The following CDK14 variants were observed in gnomAD, a reference collection of about 807,000 sequenced individuals.
CDK14 encodes the protein cyclin-dependent kinase 14.
Under a neutral mutation model 60.7 loss-of-function variants are expected in CDK14, and 34 were observed. That is an observed-to-expected ratio of 0.56 (90% CI 0.43 to 0.75). The LOEUF (loss-of-function observed/expected upper bound fraction) is 0.75, where lower values mean the gene tolerates loss of function less well. Ranked by LOEUF, CDK14 falls within the 30% of genes least tolerant of loss-of-function variation. CDK14 has a pLI of 0.00. For synonymous variants in CDK14, 197 were observed against 203.7 expected, an observed-to-expected ratio of 0.97 and a Z score of 0.28; for missense variants, 482 against 564.1, an observed-to-expected ratio of 0.85 and a Z score of 1.47.
At chr7:90,733,359 G>A (rs1024090755) in intron 3 of CDK14, among the ~76,000 whole-genome samples, 4 of 152,062 alleles carry the variant, frequency 2.6e-5, no homozygotes, top group African/African-American at 7.2e-5. Flanking sequence ...GGTCTGTTTG[G>A]TCCAGAGCTG....
chr7:90,628,147 G>C (rs1799914337), intron 2 of CDK14, among the ~76,000 whole-genome samples: 1 of 151,986 alleles, frequency 6.6e-6, no homozygotes, highest in South Asian at 2.1e-4. Context: ...TGTAGAGACG[G>C]GGTTCTGCTG....
At position 91,029,591 on chromosome 7, in the gene CDK14, C is replaced by T. The variant is rs894250270; in HGVS notation, c.1042-16306C>T. Among the ~76,000 whole-genome samples, 4 of 148,142 alleles carry T rather than the reference C, an allele frequency of 2.7e-5. 1 individual carries two copies. In the South Asian group the frequency reaches 8.7e-4, roughly 32 times the overall value. On this transcript the variant is annotated intron_variant, in intron 10 of 14. Transcript: ENST00000380050. Reference sequence around the variant, plus strand: ...TTCCTTCTCTCTCCTCTCCTCTCCTCTCCTCTCCTCTCCTCTCCTCCGCTC... The same window carrying T: ...TTCCTTCTCTCTCCTCTCCTCTCCTTTCCTCTCCTCTCCTCTCCTCCGCTC...
At chr7:90,957,108 A>G (rs950566798) in intron 9 of CDK14, among the ~76,000 whole-genome samples, 1 of 150,694 alleles carries the variant, frequency 6.6e-6, no homozygotes, top group Non-Finnish European at 1.5e-5. Flanking sequence ...AGCATGATTT[A>G]TAGTCCTTTG....
intron 2 of CDK14, among the ~76,000 whole-genome samples, chr7:90,624,004 G>T (rs1041588355): frequency 2.0e-5 from 3 of 152,158 alleles, no homozygotes; most frequent in African/African-American, 4.8e-5. Flanking sequence ...TACATATTTT[G>T]TAGGGCTTCA....
intron 5 of CDK14, among the ~76,000 whole-genome samples, chr7:90,829,445 G>A (rs1789837072): frequency 6.6e-6 from 1 of 152,164 alleles, no homozygotes. Flanking sequence ...CAGGCATTGG[G>A]TAAATGTTCC....
At chr7:91,002,621 A>T (rs1363388753) in intron 10 of CDK14, among the ~76,000 whole-genome samples, 1 of 152,230 alleles carries the variant, frequency 6.6e-6, no homozygotes, top group Middle Eastern at 3.2e-3. Context: ...CCTAGGATGT[A>T]AAAGCAAACA....
At chr7:90,839,808 C>T (rs1396570397) in intron 5 of CDK14, among the ~76,000 whole-genome samples, 1 of 151,994 alleles carries the variant, frequency 6.6e-6, no homozygotes, top group Non-Finnish European at 1.5e-5. Context: ...GAATGTGTTC[C>T]AAGTGCTTGT....
At chr7:91,029,902 AT>A (rs1562875062) in intron 10 of CDK14, among the ~76,000 whole-genome samples, 1 of 152,076 alleles carries the variant, frequency 6.6e-6, no homozygotes, top group Non-Finnish European at 1.5e-5. Flanking sequence ...AATGCCCTTT[AT>A]TTCTTTCTCT....
chr7:90,705,774 AGAAT>A (rs1419003301), intron 2 of CDK14, among the ~76,000 whole-genome samples: 8 of 151,682 alleles, frequency 5.3e-5, no homozygotes, highest in Non-Finnish European at 8.8e-5. Flanking sequence ...TGCTAAAAAG[AGAAT>A]GAATCATAAA....
chr7:90,649,852 G>T (rs1226252897), intron 2 of CDK14, among the ~76,000 whole-genome samples: 1 of 152,088 alleles, frequency 6.6e-6, no homozygotes, highest in Non-Finnish European at 1.5e-5. Context: ...TCTTAATCCA[G>T]TCTATCATTG....
chr7:91,166,482 G>A (rs1431234628), intron 14 of CDK14, among the ~76,000 whole-genome samples: 1 of 152,146 alleles, frequency 6.6e-6, no homozygotes, highest in Non-Finnish European at 1.5e-5. Flanking sequence ...CTACTCTACT[G>A]ATACATTAAT....
chr7:90,788,593 T>G (rs1805698592), intron 4 of CDK14, among the ~76,000 whole-genome samples: 1 of 152,200 alleles, frequency 6.6e-6, no homozygotes, highest in African/African-American at 2.4e-5. Flanking sequence ...GGTCTCCCTA[T>G]CCCATTACTG....
In CDK14 at chr7:90,863,670, A is replaced by ATGTGTGTG. The variant is rs111580477; in HGVS notation, c.639+421_639+428dup. ...TTCTCAAAAGCATGCTTATTAAGAT[A>ATGTGTGTG]TGTGTGTGTGTGTGTGTGTGTGTGT... On this transcript the variant is annotated intron_variant, in intron 6 of 14. Coordinates refer to ENST00000380050, the MANE Select transcript of CDK14 (RefSeq NM_001287135.2). Among the ~76,000 whole-genome samples, 812 of 145,962 alleles carry ATGTGTGTG rather than the reference A, an allele frequency of 5.6e-3. 3 individuals carry two copies. Among genetic ancestry groups the ATGTGTGTG allele is most frequent in the South Asian group, 0.019 (86 of 4,562 alleles).
chr7:90,699,839 A>G lies in CDK14; in HGVS notation c.124-26728A>G, dbSNP rs114904868. ...TACCTCTGTGTTTCATGTGAGCTGA[A>G]TCTTTCCTAAATGATTAAGAGAAAC... On this transcript the variant is annotated intron_variant, in intron 2 of 14. Transcript: ENST00000380050. Among the ~76,000 whole-genome samples the G allele has an allele frequency of 3.6e-3, 551 of 152,296 alleles. 9 individuals are homozygous for G. Among genetic ancestry groups the G allele is most frequent in the African/African-American group, 0.013 (531 of 41,566 alleles).
In CDK14 at chr7:91,037,138, A is replaced by C. The variant is rs78426362; in HGVS notation, c.1042-8759A>C. The stretch of plus-strand genomic sequence containing the variant: ...CTTGAACGATCAATTAATAGAATCT[A>C]AGTACTGGACTTTATGTTTATAGCT... On this transcript the variant is annotated intron_variant, in intron 10 of 14. Coordinates refer to ENST00000380050, the MANE Select transcript of CDK14 (RefSeq NM_001287135.2). 3.0e-3 allele frequency among the ~76,000 whole-genome samples: 460 copies of C among 152,342 alleles called. 14 individuals carry two copies. In the East Asian group the frequency reaches 0.074, roughly 24 times the overall value.
chr7:90,948,424 G>A (rs1022861084), intron 8 of CDK14, among the ~76,000 whole-genome samples: 3 of 152,214 alleles, frequency 2.0e-5, no homozygotes, highest in Admixed American at 2.0e-4. Context: ...AAGAATTTAA[G>A]CATATATGAT....
chr7:91,183,182 A>C (rs557077770), intron 14 of CDK14, among the ~76,000 whole-genome samples: 16 of 152,354 alleles, frequency 1.1e-4, no homozygotes, highest in Admixed American at 9.8e-4. Context: ...TTGTTGGCTG[A>C]AAACTAAACC....
chr7:90,676,527 ATTTTTTTTTTTT>A (rs60056655), intron 2 of CDK14, among the ~76,000 whole-genome samples: 1 of 142,124 alleles, frequency 7.0e-6, no homozygotes, highest in African/African-American at 2.6e-5. Context: ...TAGATGTTTC[ATTTTTTTTTTTT>A]TTTTTTTTTT....
At chr7:90,807,739 A>G (rs1350123063) in intron 5 of CDK14, among the ~76,000 whole-genome samples, 1 of 152,240 alleles carries the variant, frequency 6.6e-6, no homozygotes, top group African/African-American at 2.4e-5. Flanking sequence ...CAAATGGCTC[A>G]CTAGCATAAC....
Sources: gnomAD v4.1 joint callset for allele counts (sites outside exome capture counted in the v4.1 genomes callset) on GRCh38, gnomAD v4.1.1 for gene constraint, MANE v1.5 for transcripts, NCBI Gene and HGNC (gene_info 2026-07-23, HGNC 2026-07-21) for gene names.